Variants in PCDHA2 observed in about 807,000 individuals in gnomAD.
PCDHA2 encodes protocadherin alpha-2.
A neutral mutation model predicts 66.0 loss-of-function variants in PCDHA2; 58 were observed. The ratio of observed to expected loss-of-function variants is 0.88; its 90% CI spans 0.71 to 1.09. The LOEUF is 1.09. Ranked by LOEUF, PCDHA2 falls within the 50% of genes least tolerant of loss-of-function variation. PCDHA2 has a pLI of 0.00. For missense variants in PCDHA2, 1,267 were observed against 1,242.3 expected (o/e 1.02, Z -0.30); for synonymous variants, 634 against 554.0 (o/e 1.14, Z -2.03).
rs781886985 is a variant in PCDHA2, at chr5:140,796,615, C to T, written c.1651C>T (p.Leu551=). ...GCCGCCTCTGGGCAGCAACGTGACG[C>T]TGCAGGTGTTCGTGCTGGACGAGAA... The part of the protein sequence containing the change: ...GVPPLGSNVT[L]QVFVLDENDN... Residue 551 remains leucine (L), a synonymous_variant, in exon 1 of 4, where the codon CTG becomes TTG. Transcript: ENST00000526136. 6.2e-6 allele frequency: 10 copies of T among 1,611,906 alleles called. No homozygotes were observed. In the East Asian group the frequency reaches 1.1e-4, roughly 18 times the overall value.
intron 1 of PCDHA2, chr5:140,968,462 A>G: frequency 6.2e-7 from 1 of 1,614,104 alleles, no homozygotes; most frequent in African/African-American, 1.3e-5. Flanking sequence ...TGTGACTGCC[A>G]ACGTATATGT....
intron 1 of PCDHA2, among the ~76,000 whole-genome samples, chr5:140,893,912 G>A (rs1254345100): frequency 6.6e-6 from 1 of 152,124 alleles, no homozygotes; most frequent in Non-Finnish European, 1.5e-5. Flanking sequence ...TGAATTTGTG[G>A]TCTTTTTCAG....
rs2150120995 is a variant in PCDHA2, at chr5:140,822,981, T to C, written c.2388+25629T>C. ...TCAAGCTGGTGTCCACCTTCAAGAA[T>C]TACTACTCGTTGGTGCTGGACAGCG... is the stretch of plus-strand genomic sequence containing the variant. On this transcript the variant is annotated intron_variant, in intron 1 of 3. Transcript: ENST00000526136. The C allele has an allele frequency of 1.4e-5, 23 of 1,614,242 alleles. No homozygotes were observed. The East Asian group carries it at 5.1e-4, about 36-fold the overall frequency.
intron 1 of PCDHA2, among the ~76,000 whole-genome samples, chr5:140,970,706 A>G (rs1266484266): frequency 6.6e-6 from 1 of 152,224 alleles, no homozygotes; most frequent in Non-Finnish European, 1.5e-5. Context: ...CTACTACACA[A>G]TGTGTGAACA....
At position 140,850,766 on chromosome 5, in the gene PCDHA2, G is replaced by A. The variant is rs2150497576; in HGVS notation, c.2388+53414G>A. The A allele has an allele frequency of 3.1e-6, 5 of 1,598,074 alleles. No homozygotes were observed. In the South Asian group the frequency reaches 4.4e-5, roughly 14 times the overall value. On this transcript the variant is annotated intron_variant, in intron 1 of 3. Coordinates refer to ENST00000526136, the MANE Select transcript of PCDHA2 (RefSeq NM_018905.3). ...CGTACTCGCAGCAGAGGAGGCAGAG[G>A]GTGTGCTCTGGCGAGGGTAAGCAGA...
At chr5:140,956,132 C>A (rs782171826) in intron 1 of PCDHA2, among the ~76,000 whole-genome samples, 1 of 152,028 alleles carries the variant, frequency 6.6e-6, no homozygotes, top group African/African-American at 2.4e-5. Context: ...ATTTGAATAC[C>A]CTTTATTTCT....
Position 140,796,262 on chromosome 5 carries a change from C to T in PCDHA2, c.1298C>T (p.Pro433Leu). The T allele has an allele frequency of 3.7e-6, 6 of 1,614,124 alleles. No homozygotes were observed. Among genetic ancestry groups the T allele is most frequent in the Non-Finnish European group, 5.1e-6 (6 of 1,180,040 alleles). The part of the protein sequence containing the change: ...LVVTARDGGS[P>L]SLWATTSVSI... Reference sequence around the variant, plus strand: ...GTGACCGCACGGGACGGGGGCTCGCCTTCACTGTGGGCCACCACCAGCGTG... The same window carrying T: ...GTGACCGCACGGGACGGGGGCTCGCTTTCACTGTGGGCCACCACCAGCGTG... Residue 433 changes from proline (P) to leucine (L), a missense_variant, in exon 1 of 4, where the codon CCT becomes CTT. Transcript: ENST00000526136.
chr5:140,801,222 C>A (rs781901922), intron 1 of PCDHA2: 1 of 1,610,296 alleles, frequency 6.2e-7, no homozygotes, highest in Non-Finnish European at 8.5e-7. Flanking sequence ...GCGAGAAGAT[C>A]CTGGAGCCCA....
At position 140,796,567 on chromosome 5, in the gene PCDHA2, G is replaced by C. The variant is rs782025511; in HGVS notation, c.1603G>C (p.Val535Leu). 1.2e-6 allele frequency: 2 copies of C among 1,613,340 alleles called. No individual in the cohort carries two copies. Among genetic ancestry groups the C allele is most frequent in the Non-Finnish European group, 1.7e-6 (2 of 1,179,868 alleles). The stretch of plus-strand genomic sequence containing the variant: ...GGAAGTGGAGCTGCTGCAGTTCCAG[G>C]TGAGCGCGCGGGATGCGGGCGTGCC... Reference protein sequence around the residue: ...HEEVELLQFQVSARDAGVPPL... With the variant: ...HEEVELLQFQLSARDAGVPPL... Residue 535 changes from valine to leucine, a missense_variant, in exon 1 of 4, where the codon GTG (valine) becomes CTG (leucine). Physicochemically the swap from Val to Leu is conservative, Grantham distance 32. Transcript: ENST00000526136.
chr5:140,890,836 C>A (rs1189670490), intron 1 of PCDHA2, among the ~76,000 whole-genome samples: 1 of 151,884 alleles, frequency 6.6e-6, no homozygotes, highest in Admixed American at 6.6e-5. Flanking sequence ...ACATATTTAC[C>A]AGTTTTGTTT....
intron 1 of PCDHA2, chr5:140,823,355 T>C (rs951193537): frequency 1.2e-6 from 2 of 1,612,432 alleles, no homozygotes; most frequent in South Asian, 1.1e-5. Context: ...CACGAGGAAG[T>C]GGAGCTGCTG....
chr5:140,817,499 T>G (rs1278332706), intron 1 of PCDHA2: 1 of 152,358 alleles, frequency 6.6e-6, no homozygotes, highest in African/African-American at 2.4e-5. Context: ...CTATATATGC[T>G]TTTACAAATT....
rs782621383 is a variant in PCDHA2, at chr5:140,796,051, G to A, written c.1087G>A (p.Ala363Thr). 7 of 1,614,196 alleles carry A rather than the reference G, an allele frequency of 4.3e-6. No homozygotes were observed. Among genetic ancestry groups the A allele is most frequent in the Non-Finnish European group, 5.1e-6 (6 of 1,180,044 alleles). Residue 363 changes from alanine to threonine, a missense_variant, in exon 1 of 4, where the codon GCT becomes ACT. Transcript: ENST00000526136. ...TCTCTCACTTCCCATCTCAGAGAAC[G>A]CTTCCCTGGGCACTGTCATTGCTCT... Reference protein sequence around the residue: ...TSLSLPISENASLGTVIALIT... With the variant: ...TSLSLPISENTSLGTVIALIT...
chr5:140,850,958 A>C (rs2150503998), intron 1 of PCDHA2: 1 of 1,481,832 alleles, frequency 6.7e-7, no homozygotes, highest in Admixed American at 2.4e-5. Context: ...GATTACTCCC[A>C]GGGGCCGTTC....
chr5:140,942,237 T>C (rs2153657846), intron 1 of PCDHA2, among the ~76,000 whole-genome samples: 1 of 152,214 alleles, frequency 6.6e-6, no homozygotes, highest in East Asian at 1.9e-4. Context: ...GCAAATAAGA[T>C]ATCCATATCA....
chr5:140,796,869 T>C lies in PCDHA2; in HGVS notation c.1905T>C (p.Arg635=). The C allele has an allele frequency of 6.2e-7, 1 of 1,614,070 alleles. No homozygotes were observed. The highest frequency in any genetic ancestry group is 1.1e-5 in the South Asian group (1 of 91,084). The change falls in exon 1 of 4, where the codon CGT becomes CGC. Residue 635 remains arginine, a synonymous_variant. Transcript: ENST00000526136. ...GLYTGEISTT[R]ALDEADSPRH... is the part of the protein sequence containing the mutation. The stretch of plus-strand genomic sequence containing the variant: ...ACACGGGTGAGATCAGCACGACACG[T>C]GCCCTAGACGAGGCTGACTCCCCTC...
chr5:140,842,487 T>G, intron 1 of PCDHA2: 3 of 1,613,936 alleles, frequency 1.9e-6, no homozygotes, highest in Non-Finnish European at 2.5e-6. Context: ...ACCTGCTCCC[T>G]GATGCCCCAT....
At position 140,856,269 on chromosome 5, in the gene PCDHA2, T is replaced by C. The variant is rs367902357; in HGVS notation, c.2388+58917T>C. On this transcript the variant is annotated intron_variant, in intron 1 of 3. Transcript: ENST00000526136. ...GCGTCCAAAAGACACGGGGACCTTC[T>C]GGAGGTAAATCTGCAGAATGGCATT... 5.2e-5 allele frequency: 83 copies of C among 1,598,182 alleles called. 3 individuals are homozygous for C. In the South Asian group the frequency reaches 5.5e-4, roughly 11 times the overall value.
At chr5:140,800,553 A>G (rs1554121158) in intron 1 of PCDHA2, among the ~76,000 whole-genome samples, 2 of 152,204 alleles carry the variant, frequency 1.3e-5, no homozygotes, top group African/African-American at 4.8e-5. Context: ...TGATTTTTCT[A>G]TAAAATGTAA....
Sources: gnomAD v4.1 joint callset for allele counts (sites outside exome capture counted in the v4.1 genomes callset) on GRCh38, gnomAD v4.1.1 for gene constraint, MANE v1.5 for transcripts, NCBI Gene and HGNC (gene_info 2026-07-23, HGNC 2026-07-21) for gene names.